The following TENM2 variants were observed in gnomAD, a reference collection of about 807,000 sequenced individuals.
TENM2 encodes the protein teneurin transmembrane protein 2, also known as teneurin-2.
Under a neutral mutation model 245.2 loss-of-function variants are expected in TENM2, and 52 were observed. The observed-to-expected ratio is 0.21, with a 90% CI of 0.17 to 0.27. TENM2 has a LOEUF of 0.27. Among genes scored for constraint, TENM2 ranks in the 10% least tolerant of loss-of-function variants. The pLI, the probability that TENM2 is intolerant of heterozygous loss-of-function variation, is 1.00. For missense variants in TENM2, 3,046 were observed against 3,666.8 expected (o/e 0.83, Z 4.37); for synonymous variants, 1,363 against 1,438.9 (o/e 0.95, Z 1.19).
intron 6 of TENM2, among the ~76,000 whole-genome samples, chr5:168,051,303 C>T (rs1789066116): frequency 6.6e-6 from 1 of 152,138 alleles, no homozygotes; most frequent in African/African-American, 2.4e-5. Flanking sequence ...ATCTGGCCAG[C>T]TGCCTGTTTT....
intron 2 of TENM2, among the ~76,000 whole-genome samples, chr5:167,554,118 A>G (rs1412410981): frequency 6.6e-6 from 1 of 152,182 alleles, no homozygotes; most frequent in Non-Finnish European, 1.5e-5. Flanking sequence ...CACCACAGCA[A>G]TATCCATTTT....
chr5:167,131,481 C>A, the TENM2 span, among the ~76,000 whole-genome samples: 2 of 152,082 alleles, frequency 1.3e-5, no homozygotes, highest in Non-Finnish European at 2.9e-5. Flanking sequence ...GTCTCAGATT[C>A]CACTGGGACA....
the TENM2 span, among the ~76,000 whole-genome samples, chr5:167,279,514 T>TTCCCTTCCTTCCTTCCTTCCTTCC: frequency 7.5e-4 from 74 of 98,296 alleles, 1 homozygote; most frequent in African/African-American, 2.3e-3. Context: ...CCTTCCTTCC[T>TTCCCTTCCTTCCTTCCTTCCTTCC]TTCCTTCCTT....
At chr5:167,124,202 C>T in the TENM2 span, among the ~76,000 whole-genome samples, 1 of 152,200 alleles carries the variant, frequency 6.6e-6, no homozygotes, top group Admixed American at 6.5e-5. Flanking sequence ...TTTAAGGGTA[C>T]TTCTCAGCTT....
chr5:167,022,928 G>A, the TENM2 span, among the ~76,000 whole-genome samples: 2 of 152,164 alleles, frequency 1.3e-5, no homozygotes, highest in Admixed American at 1.3e-4. Context: ...ATGTTCAAAT[G>A]TATGCTAAGT....
At chr5:167,807,942 G>A (rs916789609) in intron 2 of TENM2, among the ~76,000 whole-genome samples, 2 of 152,220 alleles carry the variant, frequency 1.3e-5, no homozygotes, top group Middle Eastern at 3.4e-3. Flanking sequence ...CAGAAGATTT[G>A]GAAACTACTG....
chr5:168,209,540 T>C (rs945415953), intron 19 of TENM2, among the ~76,000 whole-genome samples: 2 of 152,192 alleles, frequency 1.3e-5, no homozygotes, highest in African/African-American at 4.8e-5. Flanking sequence ...TCAACTTCTC[T>C]TTAGTTAGAA....
chr5:167,997,042 T>C (rs1451848957), intron 5 of TENM2, among the ~76,000 whole-genome samples: 1 of 152,132 alleles, frequency 6.6e-6, no homozygotes, highest in African/African-American at 2.4e-5. Flanking sequence ...CCCAGCCCAT[T>C]TGAAGCACTT....
At chr5:167,224,882 A>G in the TENM2 span, among the ~76,000 whole-genome samples, 23 of 152,040 alleles carry the variant, frequency 1.5e-4, no homozygotes, top group Non-Finnish European at 2.8e-4. Context: ...TTATTTCATC[A>G]GTGCCTTATA....
chr5:167,044,035 C>A, the TENM2 span, among the ~76,000 whole-genome samples: 31,033 of 73,156 alleles, frequency 0.42, 5,205 homozygotes, highest in African/African-American at 0.63. Flanking sequence ...ATAGTAAGGA[C>A]AGAAGGAAGG....
chr5:168,201,657 C>T (rs1581618783), intron 17 of TENM2, among the ~76,000 whole-genome samples: 1 of 152,178 alleles, frequency 6.6e-6, no homozygotes, highest in African/African-American at 2.4e-5. Context: ...TTCAGTATTT[C>T]AATTGCCTGA....
intron 2 of TENM2, among the ~76,000 whole-genome samples, chr5:167,569,765 T>G (rs1346477319): frequency 6.6e-6 from 1 of 152,212 alleles, no homozygotes; most frequent in Non-Finnish European, 1.5e-5. Flanking sequence ...ATAATAGCTT[T>G]ACATGGATTA....
At chr5:167,858,369 T>C (rs920618869) in intron 2 of TENM2, among the ~76,000 whole-genome samples, 1 of 152,262 alleles carries the variant, frequency 6.6e-6, no homozygotes, top group Non-Finnish European at 1.5e-5. Flanking sequence ...ACTTCTACCA[T>C]GATGGGTTTT....
intron 3 of TENM2, among the ~76,000 whole-genome samples, chr5:167,902,981 C>A (rs1775824691): frequency 6.6e-6 from 1 of 152,186 alleles, no homozygotes. Context: ...TTAAGTAAAT[C>A]TACCATAAAT....
chr5:167,394,805 CA>C (rs1227281585), intron 2 of TENM2, among the ~76,000 whole-genome samples: 1 of 152,012 alleles, frequency 6.6e-6, no homozygotes. Context: ...CCATGTTGCC[CA>C]GGCTGGTCTC....
intron 4 of TENM2, among the ~76,000 whole-genome samples, chr5:167,969,615 G>A (rs918893047): frequency 8.5e-5 from 13 of 152,192 alleles, no homozygotes; most frequent in Admixed American, 6.5e-5. Flanking sequence ...CAGGATTCAA[G>A]TAATACTTAA....
intron 2 of TENM2, among the ~76,000 whole-genome samples, chr5:167,827,104 G>C (rs776134999): frequency 8.5e-5 from 13 of 152,318 alleles, no homozygotes; most frequent in Non-Finnish European, 1.9e-4. Flanking sequence ...TCAGTTTCAT[G>C]TATGTTTCTC....
intron 2 of TENM2, among the ~76,000 whole-genome samples, chr5:167,869,238 T>A (rs750324307): frequency 2.0e-5 from 3 of 152,196 alleles, no homozygotes; most frequent in Non-Finnish European, 2.9e-5. Context: ...GACAATTACG[T>A]ATTACATCTG....
At chr5:167,363,730 CA>C (rs10659741) in intron 1 of TENM2, among the ~76,000 whole-genome samples, 4 of 89,344 alleles carry the variant, frequency 4.5e-5, no homozygotes, top group East Asian at 3.0e-4. Flanking sequence ...GACTCCATCT[CA>C]AAAAAAAAAA....
Sources: gnomAD v4.1 joint callset for allele counts (sites outside exome capture counted in the v4.1 genomes callset) on GRCh38, gnomAD v4.1.1 for gene constraint, MANE v1.5 for transcripts, NCBI Gene and HGNC (gene_info 2026-07-23, HGNC 2026-07-21) for gene names.